The following RPIA variants were observed in gnomAD, a reference collection of about 807,000 sequenced individuals.
RPIA encodes the protein ribose-5-phosphate isomerase.
Under a neutral mutation model 37.8 loss-of-function variants are expected in RPIA, and 29 were observed. That is an observed-to-expected ratio of 0.77 (90% CI 0.57 to 1.05). The LOEUF (loss-of-function observed/expected upper bound fraction) is 1.05, where lower values mean the gene tolerates loss of function less well. RPIA is among the 50% of genes least tolerant of loss of function. The probability of loss-of-function intolerance (pLI) is 0.00; values close to 1 mark genes in which losing one functional copy is unlikely to be tolerated. For missense variants in RPIA, 385 were observed against 413.6 expected, an observed-to-expected ratio of 0.93 and a Z score of 0.60; for synonymous variants, 167 against 157.0, an observed-to-expected ratio of 1.06 and a Z score of -0.48.
chr2:88,698,703 G>C (rs886283204), intron 2 of RPIA, among the ~76,000 whole-genome samples, 159 bp downstream of exon 2: 2 of 152,212 alleles, frequency 1.3e-5, no homozygotes, highest in Admixed American at 6.5e-5. Context: ...GAGTGTTTCT[G>C]CTCTTTTGTG....
intron 5 of RPIA, among the ~76,000 whole-genome samples, chr2:88,735,357 C>G (rs1172236470): frequency 6.6e-6 from 1 of 152,148 alleles, no homozygotes; most frequent in Non-Finnish European, 1.5e-5. Flanking sequence ...TCTAGACCCT[C>G]CCATTCATGC....
chr2:88,700,507 C>T (rs1672815023), intron 3 of RPIA, among the ~76,000 whole-genome samples: 1 of 152,066 alleles, frequency 6.6e-6, no homozygotes, highest in African/African-American at 2.4e-5. Flanking sequence ...CAAAAATTAG[C>T]TGGGTGTGGT....
chr2:88,721,775 A>G (rs13403818), intron 3 of RPIA, among the ~76,000 whole-genome samples: 5,902 of 150,022 alleles, frequency 0.039, 392 homozygotes, highest in African/African-American at 0.14. Context: ...AATAGCAAAT[A>G]TATCTTTAAA....
Position 88,736,618 on chromosome 2 carries a change from G to T in RPIA, c.680G>T (p.Arg227Leu), listed in dbSNP as rs1472624896. Residue 227 changes from arginine to leucine, a missense_variant, in exon 7 of 9, where the codon CGA (arginine) becomes CTA (leucine). Transcript: ENST00000283646. ...CCAATGGCCTATGTCCCAGTGAGCC[G>T]AGCTGTGAGCCAGAAGTTTGGGGGC... is the stretch of plus-strand genomic sequence containing the variant. ...VIPMAYVPVS[R>L]AVSQKFGGVV... 3.1e-6 allele frequency: 5 copies of T among 1,614,090 alleles called. No individual in the cohort carries two copies. The South Asian group carries it at 5.5e-5, about 18-fold the overall frequency.
At position 88,706,234 on chromosome 2, in the gene RPIA, A is replaced by G. The variant is rs542561852; in HGVS notation, c.402+6170A>G. On this transcript the variant is annotated intron_variant, in intron 3 of 8. Coordinates refer to ENST00000283646, the MANE Select transcript of RPIA (RefSeq NM_144563.3). ...TACCCAAAAGAATATAAATCATTCT[A>G]TTCTAAAGATACATGCACATGTATG... 3.9e-4 allele frequency among the ~76,000 whole-genome samples: 59 copies of G among 152,314 alleles called. 1 individual carries two copies. The highest frequency in any genetic ancestry group is 3.9e-4 in the East Asian group (2 of 5,184).
At chr2:88,737,944 C>A in intron 7 of RPIA, 33 bp from the exon 8 acceptor site, 1 of 1,516,260 alleles carries the variant, frequency 6.6e-7, no homozygotes, top group Non-Finnish European at 9.2e-7. Flanking sequence ...CCTGTATCTG[C>A]ATCCTTGGTC....
At chr2:88,704,203 C>A (rs901034183) in intron 3 of RPIA, among the ~76,000 whole-genome samples, 3 of 152,232 alleles carry the variant, frequency 2.0e-5, no homozygotes, top group Non-Finnish European at 4.4e-5. Flanking sequence ...AAGTCACTTC[C>A]ATATTTTCGG....
chr2:88,695,009 A>T (rs1672712480), intron 1 of RPIA, among the ~76,000 whole-genome samples: 1 of 151,668 alleles, frequency 6.6e-6, no homozygotes, highest in Non-Finnish European at 1.5e-5. Flanking sequence ...AAAGAAAAAG[A>T]AAAGCTCGAG....
intron 3 of RPIA, among the ~76,000 whole-genome samples, chr2:88,706,600 G>A (rs1558690016): frequency 6.6e-6 from 1 of 151,968 alleles, no homozygotes; most frequent in African/African-American, 2.4e-5. Context: ...GCTAATGCAT[G>A]CAGGGCTTAA....
At chr2:88,695,922 G>A (rs1378280237) in intron 1 of RPIA, among the ~76,000 whole-genome samples, 3 of 151,122 alleles carry the variant, frequency 2.0e-5, no homozygotes, top group Non-Finnish European at 4.4e-5. Context: ...GGGGACATTA[G>A]TATTTGATTT....
rs1673304419 is a variant in RPIA at position 88,735,530 on chromosome 2, G to C, written c.528-139G>C. The C allele has an allele frequency of 3.8e-6, 3 of 784,938 alleles. No homozygotes were observed. The African/African-American group carries it at 5.1e-5, about 13-fold the overall frequency. 48.6% of individuals were successfully genotyped at this position (784,938 alleles called of 1,614,324 possible). Reference sequence around the variant, plus strand: ...ACTAGGAGCAGCATGATGGGACTGGGGATGTCCCTTTAAAAATTAAAAGTT... The same window carrying C: ...ACTAGGAGCAGCATGATGGGACTGGCGATGTCCCTTTAAAAATTAAAAGTT... On this transcript the variant is annotated intron_variant, in intron 5 of 8. Coordinates refer to ENST00000283646, the MANE Select transcript of RPIA (RefSeq NM_144563.3).
intron 2 of RPIA, 24 bp from the exon 3 acceptor site, chr2:88,699,985 C>T: frequency 6.2e-7 from 1 of 1,613,428 alleles, no homozygotes; most frequent in Non-Finnish European, 8.5e-7. Context: ...TGAAAAACTG[C>T]CAATATGGCT....
At chr2:88,721,970 A>G (rs1673138037) in intron 3 of RPIA, among the ~76,000 whole-genome samples, 1 of 149,044 alleles carries the variant, frequency 6.7e-6, no homozygotes, top group South Asian at 2.1e-4. Flanking sequence ...AGCTTGATCT[A>G]TAAAAGTTTT....
intron 3 of RPIA, among the ~76,000 whole-genome samples, chr2:88,721,267 TGATGGGTG>T (rs1673118345): frequency 6.6e-6 from 1 of 151,920 alleles, no homozygotes; most frequent in Non-Finnish European, 1.5e-5. Flanking sequence ...CTAATGTAGA[TGATGGGTG>T]GATGGGTACA....
intron 3 of RPIA, among the ~76,000 whole-genome samples, chr2:88,711,128 G>A (rs752886759): frequency 1.3e-5 from 2 of 152,284 alleles, no homozygotes; most frequent in Middle Eastern, 3.4e-3. Flanking sequence ...CCTGAGGTCC[G>A]GGCTGGTGGG....
chr2:88,716,457 A>G (rs1673038026), intron 3 of RPIA, among the ~76,000 whole-genome samples: 1 of 152,140 alleles, frequency 6.6e-6, no homozygotes, highest in Admixed American at 6.5e-5. Context: ...TGTCTCAGAT[A>G]CAGGTTTACA....
At chr2:88,748,686 A>T (rs900299655) in intron 8 of RPIA, among the ~76,000 whole-genome samples, 2 of 152,040 alleles carry the variant, frequency 1.3e-5, no homozygotes, top group Non-Finnish European at 2.9e-5. Flanking sequence ...AAAAGTTTAT[A>T]TCTATTCTAC....
intron 8 of RPIA, among the ~76,000 whole-genome samples, chr2:88,747,496 A>T (rs1367765876): frequency 6.6e-6 from 1 of 152,172 alleles, no homozygotes; most frequent in African/African-American, 2.4e-5. Flanking sequence ...AGTTGAAATT[A>T]TTACGAAGTT....
intron 3 of RPIA, among the ~76,000 whole-genome samples, chr2:88,720,016 A>G (rs995440856): frequency 6.6e-6 from 1 of 152,120 alleles, no homozygotes; most frequent in African/African-American, 2.4e-5. Context: ...TGAGGAGTTG[A>G]ATAGCTTTAA....
Sources: allele counts gnomAD v4.1 joint callset (sites outside exome capture counted in the v4.1 genomes callset), GRCh38; gene constraint gnomAD v4.1.1; transcripts MANE v1.5; gene names NCBI Gene and HGNC (gene_info 2026-07-23, HGNC 2026-07-21).